The following HEMK2 variants were observed in gnomAD, a reference collection of about 807,000 sequenced individuals.
The protein encoded by HEMK2 is HemK methyltransferase 2, ETF1 glutamine and histone H4 lysine.
At chr21:28,756,180 T>C in the HEMK2 span, among the ~76,000 whole-genome samples, 2 of 152,292 alleles carry the variant, frequency 1.3e-5, no homozygotes, top group South Asian at 4.1e-4. Flanking sequence ...CAACCATGCA[T>C]TCCCTATGAA....
chr21:28,885,294 C>A, the HEMK2 span: 6 of 1,590,584 alleles, frequency 3.8e-6, no homozygotes, highest in East Asian at 6.9e-5. Context: ...TCGCTGAAGG[C>A]GCCGCGGCCC....
At chr21:28,877,948 T>C in the HEMK2 span, among the ~76,000 whole-genome samples, 1 of 152,308 alleles carries the variant, frequency 6.6e-6, no homozygotes, top group South Asian at 2.1e-4. Flanking sequence ...ATTTTTATAC[T>C]TGAATATTAG....
chr21:28,756,481 A>G, the HEMK2 span, among the ~76,000 whole-genome samples: 1 of 152,054 alleles, frequency 6.6e-6, no homozygotes, highest in Non-Finnish European at 1.5e-5. Context: ...CATAAACCAA[A>G]AATTTATTTT....
At chr21:28,788,675 G>GA in the HEMK2 span, among the ~76,000 whole-genome samples, 5 of 124,632 alleles carry the variant, frequency 4.0e-5, no homozygotes, top group Admixed American at 3.4e-4. Context: ...ATAACTTATG[G>GA]AAAAATAAAA....
the HEMK2 span, among the ~76,000 whole-genome samples, chr21:28,831,571 G>GAAGGAAAGA: frequency 1.3e-5 from 1 of 74,278 alleles, no homozygotes; most frequent in African/African-American, 8.6e-5. Flanking sequence ...AAGAAGGAAA[G>GAAGGAAAGA]AAAGAAAGAA....
the HEMK2 span, among the ~76,000 whole-genome samples, chr21:28,580,218 A>C: frequency 3.9e-5 from 6 of 152,170 alleles, no homozygotes; most frequent in Non-Finnish European, 8.8e-5. Flanking sequence ...AAGAGAAGCA[A>C]GCCATTCTCC....
chr21:28,778,327 A>G, the HEMK2 span, among the ~76,000 whole-genome samples: 1 of 152,284 alleles, frequency 6.6e-6, no homozygotes, highest in East Asian at 1.9e-4. Flanking sequence ...GTAGTATTCC[A>G]TGGTATGGAT....
chr21:28,794,869 G>T, the HEMK2 span, among the ~76,000 whole-genome samples: 3 of 152,204 alleles, frequency 2.0e-5, no homozygotes, highest in Non-Finnish European at 4.4e-5. Context: ...TCTGTGGTAT[G>T]CTCATGGGAT....
the HEMK2 span, among the ~76,000 whole-genome samples, chr21:28,831,530 A>AGAAAGAAG: frequency 1.4e-5 from 1 of 73,246 alleles, no homozygotes; most frequent in East Asian, 5.0e-4. Context: ...AAAGAAGGAA[A>AGAAAGAAG]GAAGGAAAGA....
At chr21:28,590,144 A>C in the HEMK2 span, among the ~76,000 whole-genome samples, 2 of 152,162 alleles carry the variant, frequency 1.3e-5, no homozygotes, top group Non-Finnish European at 2.9e-5. Flanking sequence ...TTTTTTGCTT[A>C]TTCTTTGCTC....
At chr21:28,765,655 T>G in the HEMK2 span, among the ~76,000 whole-genome samples, 19 of 151,922 alleles carry the variant, frequency 1.3e-4, no homozygotes, top group Middle Eastern at 3.4e-3. Flanking sequence ...ATTCCTTGGG[T>G]GAGTGATAAG....
the HEMK2 span, among the ~76,000 whole-genome samples, chr21:28,739,130 C>T: frequency 2.6e-5 from 4 of 152,134 alleles, no homozygotes; most frequent in East Asian, 1.9e-4. Flanking sequence ...GAGAAATTCG[C>T]GAGAGCAGCA....
the HEMK2 span, among the ~76,000 whole-genome samples, chr21:28,722,991 C>A: frequency 6.6e-6 from 1 of 151,758 alleles, no homozygotes; most frequent in Non-Finnish European, 1.5e-5. Context: ...TCCATACAGG[C>A]CTTGTAGATT....
At chr21:28,647,061 T>A in the HEMK2 span, among the ~76,000 whole-genome samples, 1 of 152,182 alleles carries the variant, frequency 6.6e-6, no homozygotes, top group Non-Finnish European at 1.5e-5. Context: ...TATGATTTTC[T>A]ATAGAATGTG....
the HEMK2 span, among the ~76,000 whole-genome samples, chr21:28,735,450 C>T: frequency 6.6e-6 from 1 of 152,184 alleles, no homozygotes. Flanking sequence ...CTTTCAGCCA[C>T]TAAAGATGAC....
the HEMK2 span, among the ~76,000 whole-genome samples, chr21:28,833,240 A>G: frequency 6.6e-6 from 1 of 152,256 alleles, no homozygotes. Flanking sequence ...TTAGAAAGAA[A>G]TAAAACCGCA....
At chr21:28,733,281 AAAAC>A in the HEMK2 span, among the ~76,000 whole-genome samples, 9 of 152,316 alleles carry the variant, frequency 5.9e-5, no homozygotes, top group Middle Eastern at 3.4e-3. Context: ...TCCGTCTCAA[AAAAC>A]AAACAAACAA....
At chr21:28,591,316 T>C in the HEMK2 span, among the ~76,000 whole-genome samples, 1 of 152,160 alleles carries the variant, frequency 6.6e-6, no homozygotes, top group Non-Finnish European at 1.5e-5. Flanking sequence ...AAATGCCATA[T>C]ATATGCTGTT....
the HEMK2 span, among the ~76,000 whole-genome samples, chr21:28,689,773 C>T: frequency 1.3e-5 from 2 of 152,122 alleles, no homozygotes; most frequent in Non-Finnish European, 2.9e-5. Context: ...ATCACATGAG[C>T]CCTTCAAAGC....
Sources: allele counts gnomAD v4.1 joint callset (sites outside exome capture counted in the v4.1 genomes callset), GRCh38; gene constraint gnomAD v4.1.1; transcripts MANE v1.5; gene names NCBI Gene and HGNC (gene_info 2026-07-23, HGNC 2026-07-21).